DYNC1H1: variants seen among roughly 807,000 people sequenced by gnomAD.
The protein encoded by DYNC1H1 is dynein cytoplasmic 1 heavy chain 1.
DYNC1H1 carries 51 observed loss-of-function variants against 527.1 expected under a neutral mutation model. That is an observed-to-expected ratio of 0.10 (90% CI 0.08 to 0.12). The LOEUF is 0.12. Ranked by LOEUF, DYNC1H1 falls within the 10% of genes least tolerant of loss-of-function variation. The probability of loss-of-function intolerance (pLI) is 1.00; values close to 1 mark genes in which losing one functional copy is unlikely to be tolerated. For synonymous variants in DYNC1H1, 2,189 were observed against 2,278.8 expected (o/e 0.96, Z 1.12); for missense variants, 2,771 against 5,971.8 (o/e 0.46, Z 17.66).
rs201905359 is a variant in DYNC1H1 at position 101,975,692 on chromosome 14, A to G, written c.257-20A>G. ...TTGGAAATGTTGATATTAATTTGATATATTTATTATGATTTGTAGAGGACG... is the reference window on the plus strand; with the variant it reads ...TTGGAAATGTTGATATTAATTTGATGTATTTATTATGATTTGTAGAGGACG... On this transcript the variant is annotated intron_variant, in intron 1 of 77. Transcript: ENST00000360184. 415 of 1,590,312 alleles carry G rather than the reference A, an allele frequency of 2.6e-4. 4 individuals carry two copies. In the Middle Eastern group the frequency reaches 3.8e-3, roughly 15 times the overall value.
rs1379301487 is a variant in DYNC1H1 at position 102,034,327 on chromosome 14, C to G, written c.10629C>G (p.Phe3543Leu). The stretch of plus-strand genomic sequence containing the variant: ...AAGGTAACGGCCTTGCCTTTCAGTT[C>G]CGTACAGATATTGCCAGGACGGAAT... ...SHHLQQANIQ[F>L]RTDIARTEYL... The change falls in exon 56 of 78, where the codon TTC becomes TTG. Residue 3543 changes from phenylalanine (F) to leucine (L), a missense_variant and splice_region_variant. Around this residue, in one of 32 missense-constraint regions of DYNC1H1, gnomAD observed 283 missense variants for 737.6 expected, o/e 0.38. Transcript: ENST00000360184. 6.2e-7 allele frequency: 1 copy of G among 1,614,222 alleles called. No homozygotes were observed. Among genetic ancestry groups the G allele is most frequent in the South Asian group, 1.1e-5 (1 of 91,090 alleles).
In DYNC1H1 at chr14:102,055,699, G is replaced by A. The variant is rs1433135790; in HGVS notation, c.*5136G>A. ...TGTCCCTCCTCCGCGGCACCTCCAG[G>A]TATCTGGTTGCTCAGGCTGAAATGT... On this transcript the variant is annotated 3_prime_UTR_variant, in exon 78 of 78. Transcript: ENST00000360184. 6.6e-6 allele frequency: 1 copy of A among 152,532 alleles called. No individual in the cohort carries two copies. The highest frequency in any genetic ancestry group is 2.4e-5 in the African/African-American group (1 of 41,450). The allele number at this position is 152,532 out of a possible 1,614,324, so 9.4% of individuals were successfully genotyped here.
At chr14:102,048,978 G>A (rs1274768775) in intron 74 of DYNC1H1, 5 of 458,788 alleles carry the variant, frequency 1.1e-5, no homozygotes, top group Non-Finnish European at 2.0e-5. Context: ...GGTGACAGAC[G>A]GTAGTAGGTT....
chr14:102,020,138 G>A lies in DYNC1H1; in HGVS notation c.8507+82G>A. 1 of 1,559,286 alleles carries A rather than the reference G, an allele frequency of 6.4e-7. No homozygotes were observed. Among genetic ancestry groups the A allele is most frequent in the Non-Finnish European group, 8.7e-7 (1 of 1,149,128 alleles). On this transcript the variant is annotated intron_variant, in intron 42 of 77. Coordinates refer to ENST00000360184, the MANE Select transcript of DYNC1H1 (RefSeq NM_001376.5). The surrounding 1 kb of genome is among the most constrained non-coding windows in gnomAD (Gnocchi z 4.3). ...GCTGTCGAAGCTGGGGTCTTTGCAG[G>A]GGTGGTCTGCCTAAGTTAGAGCCAG...
chr14:101,994,537 T>G, intron 12 of DYNC1H1, 136 bp from the exon 13 acceptor site: 2 of 1,353,806 alleles, frequency 1.5e-6, no homozygotes, highest in South Asian at 2.6e-5. Context: ...ATGAAAATTC[T>G]GAGAGTCTGA....
intron 11 of DYNC1H1, 70 bp downstream of exon 11, chr14:101,991,743 T>C: frequency 6.3e-7 from 1 of 1,591,330 alleles, no homozygotes; most frequent in Non-Finnish European, 8.6e-7. Context: ...TACCACTTCT[T>C]CATGGTGCTT....
rs1209629857 is a variant in DYNC1H1, at chr14:101,986,371, C to T, written c.2146C>T (p.Arg716Cys). ...GCAGCGCAACCTCGGTGTCTCGGGG[C>T]GCATTTTCACCATCGAAAGTACTCG... is the stretch of plus-strand genomic sequence containing the variant. ...VQQRNLGVSG[R>C]IFTIESTRVR... The change falls in exon 8 of 78, where the codon CGC (arginine) becomes TGC (cysteine). Residue 716 changes from arginine (R) to cysteine (C), a missense_variant. Coordinates refer to ENST00000360184, the MANE Select transcript of DYNC1H1 (RefSeq NM_001376.5). The surrounding 1 kb of genome is among the most constrained non-coding windows in gnomAD (Gnocchi z 8.7). 1.9e-6 allele frequency: 3 copies of T among 1,613,906 alleles called. No individual in the cohort carries two copies. Among genetic ancestry groups the T allele is most frequent in the South Asian group, 1.1e-5 (1 of 91,050 alleles).
At chr14:101,970,341 G>A (rs771103250) in intron 1 of DYNC1H1, among the ~76,000 whole-genome samples, 2 of 151,928 alleles carry the variant, frequency 1.3e-5, no homozygotes, top group Non-Finnish European at 2.9e-5. Flanking sequence ...GGGTGGACAT[G>A]CAGGTGACAA....
At chr14:102,048,337 G>A (rs1313825805) in intron 73 of DYNC1H1, 179 bp from the exon 74 acceptor site, 1 of 903,960 alleles carries the variant, frequency 1.1e-6, no homozygotes, top group South Asian at 1.6e-5. Flanking sequence ...GCGGGTTTCT[G>A]AGCAGCCTCA....
chr14:101,964,998 A>T lies in DYNC1H1; in HGVS notation c.256+51A>T. On this transcript the variant is annotated intron_variant, in intron 1 of 77. Transcript: ENST00000360184. This position sits in a 1 kb window ranked among gnomAD's most constrained non-coding sequence, Gnocchi z 5.5. ...GCCAGAGCCAGGCCTCGCGGAATGCAGGGCCTGCCAGGTCCTCCGGGGTCG... is the reference window on the plus strand; with the variant it reads ...GCCAGAGCCAGGCCTCGCGGAATGCTGGGCCTGCCAGGTCCTCCGGGGTCG... 6.5e-7 allele frequency: 1 copy of T among 1,536,162 alleles called. No individual in the cohort carries two copies. Among genetic ancestry groups the T allele is most frequent in the South Asian group, 1.2e-5 (1 of 83,964 alleles).
At chr14:102,008,135 G>A in intron 28 of DYNC1H1, 43 bp from the exon 29 acceptor site, 1 of 1,611,060 alleles carries the variant, frequency 6.2e-7, no homozygotes, top group Non-Finnish European at 8.5e-7. Context: ...ACAATTGAGG[G>A]CACAGCAGGT....
At chr14:102,022,609 T>C in intron 42 of DYNC1H1, 142 bp from the exon 43 acceptor site, 1 of 1,145,934 alleles carries the variant, frequency 8.7e-7, no homozygotes, top group Non-Finnish European at 1.3e-6. Context: ...TTTAGGTTCA[T>C]CCATGCATAG....
chr14:101,979,312 T>C lies in DYNC1H1; in HGVS notation c.345-7T>C, dbSNP rs752511770. The C allele has an allele frequency of 9.3e-6, 15 of 1,614,000 alleles. No individual in the cohort carries two copies. Among genetic ancestry groups the C allele is most frequent in the Non-Finnish European group, 1.3e-5 (15 of 1,179,918 alleles). On this transcript the variant is annotated splice_polypyrimidine_tract_variant and splice_region_variant and intron_variant, in intron 2 of 77. Transcript: ENST00000360184. The surrounding 1 kb of genome is among the most constrained non-coding windows in gnomAD (Gnocchi z 4.6). ...TTTCTAATTTCTTGTTTTATTTTTC[T>C]TTTTAGCTTGGCATTCATTAAACGT... is the stretch of plus-strand genomic sequence containing the variant.
At position 102,030,143 on chromosome 14, in the gene DYNC1H1, A is replaced by G. The variant is rs1238347985; in HGVS notation, c.9763-19A>G. ...TTAACCAATGCTTAACCCATACCTA[A>G]GCCATCCCTCCTTTCTAGGTTATGA... On this transcript the variant is annotated intron_variant, in intron 50 of 77. Transcript: ENST00000360184. The G allele has an allele frequency of 1.2e-6, 2 of 1,614,138 alleles. No individual in the cohort carries two copies. Among genetic ancestry groups the G allele is most frequent in the East Asian group, 4.5e-5 (2 of 44,880 alleles).
chr14:102,044,134 G>T lies in DYNC1H1; in HGVS notation c.12684+89G>T. 1 of 1,588,436 alleles carries T rather than the reference G, an allele frequency of 6.3e-7. No individual in the cohort carries two copies. Among genetic ancestry groups the T allele is most frequent in the Admixed American group, 1.8e-5 (1 of 57,068 alleles). ...GGTGCTGAGAGGCCAGACTCTGCGT[G>T]GAAGAGCGAGCTGACCCCTCGTGAC... On this transcript the variant is annotated intron_variant, in intron 70 of 77. Coordinates refer to ENST00000360184, the MANE Select transcript of DYNC1H1 (RefSeq NM_001376.5). The surrounding 1 kb of genome is among the most constrained non-coding windows in gnomAD (Gnocchi z 7.1).
chr14:102,051,179 C>T lies in DYNC1H1; in HGVS notation c.*616C>T, dbSNP rs542232811. The T allele has an allele frequency of 5.8e-6, 1 of 173,726 alleles. No homozygotes were observed. Among genetic ancestry groups the T allele is most frequent in the Admixed American group, 5.5e-5 (1 of 18,064 alleles). 10.8% of individuals were successfully genotyped at this position (173,726 alleles called of 1,614,324 possible). ...GCTGAGGTGGGAGGATCACCCAAGC[C>T]CAAGAGGTCGAGGCTGCAGTGAGCT... On this transcript the variant is annotated 3_prime_UTR_variant, in exon 78 of 78. Coordinates refer to ENST00000360184, the MANE Select transcript of DYNC1H1 (RefSeq NM_001376.5).
Position 102,049,727 on chromosome 14 carries a change from G to A in DYNC1H1, c.13529G>A (p.Cys4510Tyr). Residue 4510 changes from cysteine to tyrosine, a missense_variant, in exon 76 of 78, where the codon TGC becomes TAC. By Grantham distance (194) the Cys-to-Tyr change is radical (BLOSUM62 -2). Transcript: ENST00000360184. The surrounding 1 kb of genome is among the most constrained non-coding windows in gnomAD (Gnocchi z 5.5). Reference sequence around the variant, plus strand: ...TGCTTTCCACAGAACATCCACGTGTGCCTGGGTGGCCTGTTCGTGCCTGAG... The same window carrying A: ...TGCTTTCCACAGAACATCCACGTGTACCTGGGTGGCCTGTTCGTGCCTGAG... ...GAKELKNIHV[C>Y]LGGLFVPEAY... is the part of the protein sequence containing the mutation. 1 of 1,613,910 alleles carries A rather than the reference G, an allele frequency of 6.2e-7. No individual in the cohort carries two copies. Among genetic ancestry groups the A allele is most frequent in the Non-Finnish European group, 8.5e-7 (1 of 1,180,032 alleles).
chr14:102,002,680 A>G lies in DYNC1H1; in HGVS notation c.4686A>G (p.Pro1562=), dbSNP rs2048145580. Residue 1562 remains proline, a synonymous_variant, in exon 22 of 78, where the codon CCA becomes CCG. Transcript: ENST00000360184. The surrounding 1 kb of genome is among the most constrained non-coding windows in gnomAD (Gnocchi z 4.4). ...TGSADIKHLL[P]VETQRFQSIS... ...GTGCAGATATCAAGCACCTGCTGCC[A>G]GTGGAAACCCAGCGGTTTCAGAGGT... 1.9e-6 allele frequency: 3 copies of G among 1,614,154 alleles called. No homozygotes were observed. The highest frequency in any genetic ancestry group is 8.5e-7 in the Non-Finnish European group (1 of 1,180,060).
Position 102,000,083 on chromosome 14 carries a change from C to G in DYNC1H1, c.3899C>G (p.Ala1300Gly). ...LKDDREKCAKAKEALELTDTG... is the reference protein window; with the variant it reads ...LKDDREKCAKGKEALELTDTG... ...GACGACAGAGAGAAGTGTGCAAAGG[C>G]CAAGGAGGCGCTGGAATTGACAGAT... The change falls in exon 17 of 78, where the codon GCC becomes GGC. Residue 1300 changes from alanine to glycine, a missense_variant. This residue lies in a region of DYNC1H1 where 223 missense variants were observed against 462.5 expected (regional missense o/e 0.48). Coordinates refer to ENST00000360184, the MANE Select transcript of DYNC1H1 (RefSeq NM_001376.5). The G allele has an allele frequency of 6.2e-7, 1 of 1,614,112 alleles. No homozygotes were observed. The highest frequency in any genetic ancestry group is 8.5e-7 in the Non-Finnish European group (1 of 1,180,032).
Sources: allele counts gnomAD v4.1 joint callset (sites outside exome capture counted in the v4.1 genomes callset), GRCh38; gene constraint gnomAD v4.1.1; regional missense constraint gnomAD v4.1.1; non-coding constraint Gnocchi (gnomAD v3.1); transcripts MANE v1.5; gene names NCBI Gene and HGNC (gene_info 2026-07-23, HGNC 2026-07-21).